CSMD3: variants seen among roughly 807,000 people sequenced by gnomAD.
The protein encoded by CSMD3 is CUB and Sushi multiple domains 3.
CSMD3 carries 177 observed loss-of-function variants against 435.2 expected under a neutral mutation model. That is an observed-to-expected ratio of 0.41 (90% confidence interval 0.36 to 0.46). CSMD3 has a LOEUF of 0.46. Among genes scored for constraint, CSMD3 ranks in the 20% least tolerant of loss-of-function variants. The pLI, the probability that CSMD3 is intolerant of heterozygous loss-of-function variation, is 0.34. For synonymous variants in CSMD3, 1,656 were observed against 1,520.5 expected, an observed-to-expected ratio of 1.09 and a Z score of -2.07; for missense variants, 4,265 against 4,504.6, an observed-to-expected ratio of 0.95 and a Z score of 1.52.
intron 38 of CSMD3, among the ~76,000 whole-genome samples, chr8:112,365,714 CCAAA>C (rs1444513142): frequency 1.3e-5 from 2 of 151,756 alleles, no homozygotes; most frequent in Non-Finnish European, 2.9e-5. Flanking sequence ...AACAACGCAC[CCAAA>C]CAATCAGGAG....
intron 1 of CSMD3, 147 bp from the exon 2 acceptor site, chr8:113,314,940 T>C (rs2093897977): frequency 3.4e-6 from 2 of 588,614 alleles, no homozygotes; most frequent in South Asian, 2.3e-5. Flanking sequence ...GGGCACTATA[T>C]ACAAATATAT....
chr8:112,992,179 CCTT>C (rs1266042783), intron 6 of CSMD3, among the ~76,000 whole-genome samples: 1 of 151,536 alleles, frequency 6.6e-6, no homozygotes. Flanking sequence ...TTCGTTCCTT[CCTT>C]CTTTTTTCTT....
chr8:112,822,454 G>A (rs1387731486), intron 12 of CSMD3, among the ~76,000 whole-genome samples: 1 of 152,006 alleles, frequency 6.6e-6, no homozygotes, highest in African/African-American at 2.4e-5. Context: ...CTGTCTGCTT[G>A]TCTATTGTTG....
At chr8:112,646,400 C>A (rs571447089) in intron 19 of CSMD3, among the ~76,000 whole-genome samples, 4 of 151,432 alleles carry the variant, frequency 2.6e-5, no homozygotes, top group Non-Finnish European at 5.9e-5. Context: ...GTGTGTATAT[C>A]TGCGTGTTTG....
intron 56 of CSMD3, among the ~76,000 whole-genome samples, chr8:112,290,095 T>C (rs1201452394): frequency 6.6e-6 from 1 of 152,076 alleles, no homozygotes; most frequent in Non-Finnish European, 1.5e-5. Flanking sequence ...TAAATTATGC[T>C]GTAAAAAGAC....
At position 113,133,844 on chromosome 8, in the gene CSMD3, T is replaced by C. The variant is rs576847554; in HGVS notation, c.710-34881A>G. 2.5e-4 allele frequency among the ~76,000 whole-genome samples: 38 copies of C among 152,154 alleles called. No homozygotes were observed. The East Asian group carries it at 3.1e-3, about 12-fold the overall frequency. Reference sequence around the variant, plus strand: ...TTCTCCTTACATGAACTATCTGAAATAGTCAAATTAACAGAAACAGAAAGT... The same window carrying C: ...TTCTCCTTACATGAACTATCTGAAACAGTCAAATTAACAGAAACAGAAAGT... On this transcript the variant is annotated intron_variant, in intron 4 of 70. Coordinates refer to ENST00000297405, the MANE Select transcript of CSMD3 (RefSeq NM_198123.2).
chr8:113,050,206 G>A (rs1162599005), intron 5 of CSMD3, among the ~76,000 whole-genome samples: 1 of 151,758 alleles, frequency 6.6e-6, no homozygotes, highest in Non-Finnish European at 1.5e-5. Flanking sequence ...TTCCATGACT[G>A]CATATATTGT....
At chr8:112,398,507 T>C (rs1831044222) in intron 35 of CSMD3, among the ~76,000 whole-genome samples, 1 of 152,176 alleles carries the variant, frequency 6.6e-6, no homozygotes, top group Non-Finnish European at 1.5e-5. Context: ...CCTATGGCAG[T>C]TCTTTGCCTG....
chr8:112,894,901 A>G (rs1473020622), intron 10 of CSMD3, among the ~76,000 whole-genome samples: 5 of 151,532 alleles, frequency 3.3e-5, no homozygotes, highest in African/African-American at 1.2e-4. Flanking sequence ...TATCATAGAT[A>G]AGCAATCACT....
At chr8:113,340,003 T>C (rs983916088) in intron 1 of CSMD3, among the ~76,000 whole-genome samples, 5 of 152,038 alleles carry the variant, frequency 3.3e-5, no homozygotes, top group African/African-American at 1.2e-4. Context: ...AAACAACATT[T>C]AGGTTTTTTT....
chr8:112,659,465 C>A (rs1021059856), intron 17 of CSMD3, among the ~76,000 whole-genome samples: 11 of 152,086 alleles, frequency 7.2e-5, no homozygotes, highest in African/African-American at 2.4e-4. Flanking sequence ...AAAAAACATT[C>A]TTGATGTAAT....
At chr8:113,137,637 G>C (rs1444533134) in intron 4 of CSMD3, among the ~76,000 whole-genome samples, 1 of 151,562 alleles carries the variant, frequency 6.6e-6, no homozygotes, top group Non-Finnish European at 1.5e-5. Flanking sequence ...CTATACAGGA[G>C]AAACATGTGT....
chr8:113,197,274 C>T (rs1335157505), intron 3 of CSMD3, among the ~76,000 whole-genome samples: 1 of 150,658 alleles, frequency 6.6e-6, no homozygotes, highest in Non-Finnish European at 1.5e-5. Context: ...ATTGAAAATA[C>T]TGTATAGAAT....
chr8:113,189,244 C>T (rs2092551381), intron 3 of CSMD3, among the ~76,000 whole-genome samples: 1 of 151,788 alleles, frequency 6.6e-6, no homozygotes, highest in Admixed American at 6.6e-5. Context: ...ATGAGAATTG[C>T]TTCACCAAAG....
At chr8:112,625,528 A>C (rs1834408638) in intron 22 of CSMD3, among the ~76,000 whole-genome samples, 2 of 152,262 alleles carry the variant, frequency 1.3e-5, no homozygotes, top group South Asian at 2.1e-4. Flanking sequence ...CAAAACATCA[A>C]CTAGTTCAAA....
intron 30 of CSMD3, among the ~76,000 whole-genome samples, chr8:112,499,331 A>T (rs1329498818): frequency 3.9e-5 from 6 of 152,168 alleles, no homozygotes; most frequent in Non-Finnish European, 5.9e-5. Flanking sequence ...AGTGGTAAAG[A>T]TTTTAAGAAA....
chr8:112,704,833 A>G (rs1202578148), intron 13 of CSMD3, among the ~76,000 whole-genome samples: 1 of 152,116 alleles, frequency 6.6e-6, no homozygotes, highest in African/African-American at 2.4e-5. Flanking sequence ...ACACTTTGAA[A>G]CGCTCCACAA....
At chr8:112,694,721 T>C (rs188499002) in intron 13 of CSMD3, among the ~76,000 whole-genome samples, 63 of 152,252 alleles carry the variant, frequency 4.1e-4, no homozygotes, top group Admixed American at 3.2e-3. Context: ...ATCTCATAAA[T>C]TGAGATTTTT....
chr8:112,960,755 T>C (rs140831065), intron 7 of CSMD3, among the ~76,000 whole-genome samples: 234 of 151,882 alleles, frequency 1.5e-3, no homozygotes, highest in African/African-American at 5.5e-3. Context: ...ATACTAGGGA[T>C]ACACGAGAGT....
Sources: allele counts gnomAD v4.1 joint callset (sites outside exome capture counted in the v4.1 genomes callset), GRCh38; gene constraint gnomAD v4.1.1; transcripts MANE v1.5; gene names NCBI Gene and HGNC (gene_info 2026-07-23, HGNC 2026-07-21).